THADA: variants seen among roughly 807,000 people sequenced by gnomAD.
The protein encoded by THADA is tRNA (32-2'-O)-methyltransferase regulator THADA.
In THADA, 213 loss-of-function variants were observed where a neutral mutation model predicts 219.8. The observed-to-expected ratio is 0.97, with a 90% CI of 0.87 to 1.09. The LOEUF is 1.09. Ranked by LOEUF, THADA falls within the 50% of genes least tolerant of loss-of-function variation. THADA has a pLI of 0.00. For synonymous variants in THADA, 1,018 were observed against 828.9 expected (o/e 1.23, Z -3.92); for missense variants, 2,956 against 2,311.3 (o/e 1.28, Z -5.72).
intron 26 of THADA, among the ~76,000 whole-genome samples, chr2:43,454,149 A>G (rs1682700129): frequency 6.6e-6 from 1 of 152,216 alleles, no homozygotes; most frequent in Non-Finnish European, 1.5e-5. Context: ...CTTTTAAATA[A>G]ATGAAGAAAT....
At chr2:43,256,613 T>A (rs78499800) in intron 36 of THADA, among the ~76,000 whole-genome samples, 3 of 98,360 alleles carry the variant, frequency 3.1e-5, no homozygotes, top group African/African-American at 1.2e-4. Flanking sequence ...AAATAAATAA[T>A]TTTTTTTTTT....
chr2:43,242,891 G>C (rs72875584), intron 36 of THADA, among the ~76,000 whole-genome samples: 2,263 of 152,290 alleles, frequency 0.015, 50 homozygotes, highest in African/African-American at 0.048. Context: ...TTTCCATTCT[G>C]TGCCCCTCCT....
rs1200202094 is a variant in THADA, at chr2:43,417,424, A to G, written c.4058+10676T>C. 2.0e-5 allele frequency among the ~76,000 whole-genome samples: 3 copies of G among 152,180 alleles called. No homozygotes were observed. In the East Asian group the frequency reaches 5.8e-4, roughly 29 times the overall value. On this transcript the variant is annotated intron_variant, in intron 28 of 37. Transcript: ENST00000405975. Reference sequence around the variant, plus strand: ...TATAATAAGGAAAATTTCCTTTGTAAGAAATTCTCAGTGTTTCTCAAGAAT... The same window carrying G: ...TATAATAAGGAAAATTTCCTTTGTAGGAAATTCTCAGTGTTTCTCAAGAAT...
intron 26 of THADA, among the ~76,000 whole-genome samples, chr2:43,456,904 T>G (rs1275984839): frequency 2.6e-5 from 4 of 152,170 alleles, no homozygotes; most frequent in Admixed American, 2.6e-4. Flanking sequence ...TGCAAATAGC[T>G]TTTAAAAATA....
chr2:43,312,265 C>T (rs1056134113), intron 31 of THADA, among the ~76,000 whole-genome samples: 13 of 150,746 alleles, frequency 8.6e-5, no homozygotes, highest in African/African-American at 1.7e-4. Flanking sequence ...TTGACTAGAA[C>T]GGTATTTCAC....
At chr2:43,433,573 T>C (rs1167871069) in intron 26 of THADA, among the ~76,000 whole-genome samples, 2 of 152,116 alleles carry the variant, frequency 1.3e-5, no homozygotes, top group African/African-American at 2.4e-5. Flanking sequence ...GCTGTGCTCA[T>C]AGATGAGAGG....
intron 19 of THADA, among the ~76,000 whole-genome samples, chr2:43,550,271 C>T (rs1357404866): frequency 2.6e-5 from 4 of 152,158 alleles, no homozygotes; most frequent in African/African-American, 9.7e-5. Flanking sequence ...ATTTATTGTA[C>T]ATCTATTATT....
Position 43,398,126 on chromosome 2 carries a change from G to C in THADA, c.4072C>G (p.Pro1358Ala). The change falls in exon 29 of 38, where the codon CCT (proline) becomes GCT (alanine). Residue 1358 changes from proline (P) to alanine (A), a missense_variant. Physicochemically the swap from Pro to Ala is conservative, Grantham distance 27. Transcript: ENST00000405975. ...VPFIMRCGHS[P>A]VYHSREMAAR... ...GCCATTTCACGGGAGTGGTAGACAG[G>C]TGAGTGACCACACCTGGGGAGAAAT... 1 of 1,613,894 alleles carries C rather than the reference G, an allele frequency of 6.2e-7. No individual in the cohort carries two copies. Among genetic ancestry groups the C allele is most frequent in the Non-Finnish European group, 8.5e-7 (1 of 1,179,802 alleles).
chr2:43,306,023 T>C (rs1676821605), intron 31 of THADA, among the ~76,000 whole-genome samples: 1 of 143,892 alleles, frequency 6.9e-6, no homozygotes, highest in Admixed American at 6.9e-5. Flanking sequence ...GTCTTACTCT[T>C]GTTACCACGC....
chr2:43,567,606 G>A (rs1374048117), intron 14 of THADA, among the ~76,000 whole-genome samples: 1 of 152,090 alleles, frequency 6.6e-6, no homozygotes, highest in Non-Finnish European at 1.5e-5. Flanking sequence ...TGGCCTGGGC[G>A]AAAGAGCGAA....
At chr2:43,529,475 T>G (rs1558917864) in intron 21 of THADA, among the ~76,000 whole-genome samples, 1 of 152,116 alleles carries the variant, frequency 6.6e-6, no homozygotes, top group Admixed American at 6.6e-5. Context: ...GCCTCCCGAG[T>G]AGCTGTTAAC....
At chr2:43,567,060 A>G (rs1284225789) in intron 14 of THADA, among the ~76,000 whole-genome samples, 4 of 151,430 alleles carry the variant, frequency 2.6e-5, no homozygotes, top group Non-Finnish European at 4.4e-5. Flanking sequence ...TACAATTTCT[A>G]TTGTAGCCCA....
At chr2:43,231,848 A>C (rs1269413779) in intron 37 of THADA, among the ~76,000 whole-genome samples, 2 of 152,206 alleles carry the variant, frequency 1.3e-5, no homozygotes, top group African/African-American at 4.8e-5. Context: ...TTTCTCATAA[A>C]GAGGGACAAT....
intron 26 of THADA, among the ~76,000 whole-genome samples, chr2:43,448,010 A>AGTTTTTCCAAGGCAATT (rs1251410921): frequency 6.6e-6 from 1 of 152,220 alleles, no homozygotes; most frequent in Non-Finnish European, 1.5e-5. Flanking sequence ...AAACATAACT[A>AGTTTTTCCAAGGCAATT]GTTTTTCCAA....
intron 3 of THADA, 120 bp downstream of exon 3, chr2:43,591,832 T>C (rs1300672258): frequency 5.3e-6 from 3 of 571,196 alleles, no homozygotes; most frequent in Middle Eastern, 4.7e-4. Context: ...AAAATACTTA[T>C]TTGCTAATGA....
chr2:43,314,594 G>C (rs1423805911), intron 31 of THADA, among the ~76,000 whole-genome samples: 1 of 152,178 alleles, frequency 6.6e-6, no homozygotes, highest in African/African-American at 2.4e-5. Context: ...TCCAACCTGA[G>C]AGCAAATAAT....
chr2:43,313,062 A>G, intron 31 of THADA, among the ~76,000 whole-genome samples: 1 of 152,226 alleles, frequency 6.6e-6, no homozygotes, highest in East Asian at 1.9e-4. Flanking sequence ...AGGTAAAGGA[A>G]ATTAATATGT....
At chr2:43,445,636 G>A (rs998423904) in intron 26 of THADA, among the ~76,000 whole-genome samples, 5 of 152,178 alleles carry the variant, frequency 3.3e-5, no homozygotes, top group Non-Finnish European at 7.3e-5. Context: ...TTTCCCTGCC[G>A]ATCCTCTGTA....
In THADA at chr2:43,331,222, T is replaced by G. The variant is rs537452049; in HGVS notation, c.4344-10682A>C. Among the ~76,000 whole-genome samples, 116 of 152,352 alleles carry G rather than the reference T, an allele frequency of 7.6e-4. 1 individual carries two copies. Among genetic ancestry groups the G allele is most frequent in the African/African-American group, 2.7e-3 (111 of 41,578 alleles). ...CCTTTACTGTTATAAATTCTGTGGT[T>G]CTATGGTACTCTTAGCAACATTGGA... is the stretch of plus-strand genomic sequence containing the variant. On this transcript the variant is annotated intron_variant, in intron 30 of 37. Transcript: ENST00000405975.
Sources: gnomAD v4.1 joint callset for allele counts (sites outside exome capture counted in the v4.1 genomes callset) on GRCh38, gnomAD v4.1.1 for gene constraint, MANE v1.5 for transcripts, NCBI Gene and HGNC (gene_info 2026-07-23, HGNC 2026-07-21) for gene names.